MDGA2: variants seen among roughly 807,000 people sequenced by gnomAD.
MDGA2 encodes MAM domain-containing glycosylphosphatidylinositol anchor protein 2.
In MDGA2, 40 loss-of-function variants were observed where a neutral mutation model predicts 117.8. The observed-to-expected ratio is 0.34, with a 90% CI of 0.26 to 0.44. The LOEUF (loss-of-function observed/expected upper bound fraction) is 0.44, where lower values mean the gene tolerates loss of function less well. MDGA2 is among the 20% of genes least tolerant of loss of function. The probability of loss-of-function intolerance (pLI) is 1.00; values close to 1 mark genes in which losing one functional copy is unlikely to be tolerated. For missense variants in MDGA2, 1,123 were observed against 1,250.6 expected, an observed-to-expected ratio of 0.90 and a Z score of 1.54; for synonymous variants, 452 against 439.0, an observed-to-expected ratio of 1.03 and a Z score of -0.37.
At chr14:47,002,628 C>A (rs1035319977) in intron 8 of MDGA2, among the ~76,000 whole-genome samples, 6 of 151,814 alleles carry the variant, frequency 4.0e-5, no homozygotes, top group Admixed American at 6.6e-5. Context: ...ACTTGGGAGG[C>A]TGAGGTAGGA....
At chr14:47,382,009 A>G (rs145591964) in intron 1 of MDGA2, among the ~76,000 whole-genome samples, 16,593 of 152,266 alleles carry the variant, frequency 0.11, 1,151 homozygotes, top group Non-Finnish European at 0.17. Flanking sequence ...ACAGAGATAA[A>G]GACCAATGGA....
At chr14:46,986,567 A>T (rs923390398) in intron 8 of MDGA2, among the ~76,000 whole-genome samples, 3 of 152,062 alleles carry the variant, frequency 2.0e-5, no homozygotes, top group Admixed American at 1.3e-4. Context: ...TTCATAATTA[A>T]CTCTGCTGGA....
intron 3 of MDGA2, among the ~76,000 whole-genome samples, chr14:47,181,155 C>T (rs577993192): frequency 1.1e-4 from 16 of 152,146 alleles, no homozygotes; most frequent in African/African-American, 3.9e-4. Flanking sequence ...CATGAGCCAT[C>T]GTGGTTCGCT....
chr14:47,102,795 G>A (rs1393182499), intron 5 of MDGA2, among the ~76,000 whole-genome samples: 1 of 152,106 alleles, frequency 6.6e-6, no homozygotes, highest in East Asian at 1.9e-4. Context: ...TGCCCTGGTC[G>A]AACACATTCC....
intron 4 of MDGA2, among the ~76,000 whole-genome samples, chr14:47,133,139 AC>A: frequency 6.6e-6 from 1 of 151,722 alleles, no homozygotes; most frequent in African/African-American, 2.4e-5. Flanking sequence ...ACAAAAAAAA[AC>A]TACCTTTCAA....
At chr14:46,942,300 T>G (rs1174159639) in intron 9 of MDGA2, among the ~76,000 whole-genome samples, 2 of 152,210 alleles carry the variant, frequency 1.3e-5, no homozygotes, top group Non-Finnish European at 2.9e-5. Context: ...TTACATACAT[T>G]ATAACATTAC....
intron 9 of MDGA2, 114 bp downstream of exon 9, chr14:46,957,260 G>T (rs1417938552): frequency 2.0e-6 from 2 of 1,005,768 alleles, no homozygotes; most frequent in Non-Finnish European, 2.8e-6. Flanking sequence ...GAGGAGTCAA[G>T]CTGTTCTATG....
chr14:47,247,306 A>ATT (rs11312463), intron 2 of MDGA2, among the ~76,000 whole-genome samples: 13,159 of 140,292 alleles, frequency 0.094, 805 homozygotes, highest in African/African-American at 0.14. Context: ...ATAGTTTCAT[A>ATT]TTTTTTTTTT....
chr14:47,451,806 G>A (rs998845122), intron 1 of MDGA2, among the ~76,000 whole-genome samples: 2 of 152,030 alleles, frequency 1.3e-5, no homozygotes, highest in Non-Finnish European at 2.9e-5. Context: ...TAAAACGTTT[G>A]CCATTTCCCC....
At chr14:47,520,799 A>T (rs1894853506) in intron 1 of MDGA2, among the ~76,000 whole-genome samples, 1 of 152,186 alleles carries the variant, frequency 6.6e-6, no homozygotes. Flanking sequence ...AATCTATTAG[A>T]TTCATTACAT....
At chr14:47,591,469 C>T (rs1021530004) in intron 1 of MDGA2, among the ~76,000 whole-genome samples, 13 of 152,070 alleles carry the variant, frequency 8.5e-5, no homozygotes, top group Non-Finnish European at 1.6e-4. Flanking sequence ...ATACTGATAC[C>T]CAAACCTGGC....
chr14:47,258,242 G>A (rs1471070814), intron 2 of MDGA2, among the ~76,000 whole-genome samples: 1 of 152,044 alleles, frequency 6.6e-6, no homozygotes, highest in African/African-American at 2.4e-5. Context: ...AGAACTACCT[G>A]AGATTGGGTA....
chr14:47,519,230 A>C (rs1462906831), intron 1 of MDGA2, among the ~76,000 whole-genome samples: 1 of 152,038 alleles, frequency 6.6e-6, no homozygotes, highest in Non-Finnish European at 1.5e-5. Context: ...CAAACAAACA[A>C]ATAAAAAACA....
At chr14:47,343,055 C>T (rs1218976975) in intron 1 of MDGA2, 7 of 1,286,372 alleles carry the variant, frequency 5.4e-6, no homozygotes, top group South Asian at 1.2e-5. Context: ...GTGAGTCCTG[C>T]GGCAGATCCC....
chr14:47,293,621 A>G (rs770856926), intron 2 of MDGA2, among the ~76,000 whole-genome samples: 2 of 152,246 alleles, frequency 1.3e-5, no homozygotes, highest in African/African-American at 4.8e-5. Context: ...AAATACGATT[A>G]TCATTTACTA....
chr14:47,139,633 T>A (rs936672464), intron 4 of MDGA2, among the ~76,000 whole-genome samples: 1 of 151,476 alleles, frequency 6.6e-6, no homozygotes, highest in Non-Finnish European at 1.5e-5. Context: ...ATTATTGAAG[T>A]GCTCCAATAC....
intron 14 of MDGA2, among the ~76,000 whole-genome samples, chr14:46,870,619 G>C (rs981476503): frequency 6.6e-6 from 1 of 151,794 alleles, no homozygotes; most frequent in African/African-American, 2.4e-5. Context: ...TAATAGACCT[G>C]ATACCCAGCC....
chr14:47,577,838 C>T (rs1896144542), intron 1 of MDGA2, among the ~76,000 whole-genome samples: 1 of 152,156 alleles, frequency 6.6e-6, no homozygotes, highest in Admixed American at 6.6e-5. Context: ...TAAATTAGTT[C>T]AACCACTGCA....
At chr14:47,049,593 T>C (rs924582516) in intron 7 of MDGA2, among the ~76,000 whole-genome samples, 8 of 152,074 alleles carry the variant, frequency 5.3e-5, no homozygotes, top group Non-Finnish European at 1.2e-4. Context: ...GCAGTTTTGT[T>C]ACATGAGTAT....
Sources: gnomAD v4.1 joint callset for allele counts (sites outside exome capture counted in the v4.1 genomes callset) on GRCh38, gnomAD v4.1.1 for gene constraint, MANE v1.5 for transcripts, NCBI Gene and HGNC (gene_info 2026-07-23, HGNC 2026-07-21) for gene names.